Variants in MKLN1 observed in about 807,000 individuals in gnomAD.
The protein encoded by MKLN1 is muskelin.
A neutral mutation model predicts 99.0 loss-of-function variants in MKLN1; 18 were observed. The observed-to-expected ratio is 0.18, with a 90% CI of 0.13 to 0.27. The LOEUF is 0.27. Among genes scored for constraint, MKLN1 ranks in the 10% least tolerant of loss-of-function variants. The probability of loss-of-function intolerance (pLI) is 1.00; values close to 1 mark genes in which losing one functional copy is unlikely to be tolerated. For missense variants in MKLN1, 621 were observed against 875.9 expected (o/e 0.71, Z 3.67); for synonymous variants, 288 against 293.2 (o/e 0.98, Z 0.18).
intron 3 of MKLN1, chr7:131,202,992 T>C (rs1227528693): frequency 1.3e-5 from 2 of 152,236 alleles, no homozygotes; most frequent in Non-Finnish European, 2.9e-5. Flanking sequence ...GGGTAATTCA[T>C]CTAACAAATT....
chr7:131,478,568 T>C lies in MKLN1; in HGVS notation c.2032-55T>C, dbSNP rs1797028011. On this transcript the variant is annotated intron_variant, in intron 16 of 17. Transcript: ENST00000352689. The stretch of plus-strand genomic sequence containing the variant: ...GTTATAGAAGGCTATTTTCCTTCAG[T>C]GCACTTAGCCAGCTAATTTGCTGCT... 6 of 1,465,076 alleles carry C rather than the reference T, an allele frequency of 4.1e-6. No individual in the cohort carries two copies. The South Asian group carries it at 4.4e-5, about 11-fold the overall frequency. 90.8% of individuals were successfully genotyped at this position (1,465,076 alleles called of 1,614,324 possible).
intron 1 of MKLN1, among the ~76,000 whole-genome samples, chr7:131,370,064 C>T (rs1800299917): frequency 6.6e-6 from 1 of 152,208 alleles, no homozygotes. Context: ...TCTCAAACTC[C>T]TGACCTCAGG....
chr7:131,387,481 G>T (rs1457501454), intron 3 of MKLN1, among the ~76,000 whole-genome samples: 1 of 151,920 alleles, frequency 6.6e-6, no homozygotes, highest in Non-Finnish European at 1.5e-5. Context: ...TTTTACCAAA[G>T]AAGAAACAAA....
At chr7:131,452,033 TA>T (rs1796194139) in intron 12 of MKLN1, among the ~76,000 whole-genome samples, 1 of 152,216 alleles carries the variant, frequency 6.6e-6, no homozygotes. Context: ...CTTTAGTAGT[TA>T]TGTATTTACT....
At chr7:131,370,210 A>T (rs1800304859) in intron 1 of MKLN1, among the ~76,000 whole-genome samples, 1 of 152,206 alleles carries the variant, frequency 6.6e-6, no homozygotes, top group African/African-American at 2.4e-5. Flanking sequence ...TGCATCATTT[A>T]ATAAATGAAT....
intron 8 of MKLN1, among the ~76,000 whole-genome samples, chr7:131,415,116 GTT>G (rs77006965): frequency 1.4e-5 from 2 of 144,438 alleles, no homozygotes; most frequent in Non-Finnish European, 1.5e-5. Context: ...GTTTGGTTTT[GTT>G]TTTTTTTTTC....
chr7:131,360,451 A>G (rs1397676209), intron 1 of MKLN1, among the ~76,000 whole-genome samples: 1 of 152,112 alleles, frequency 6.6e-6, no homozygotes, highest in East Asian at 1.9e-4. Context: ...TATCAGTTAC[A>G]CTTCTTTTTA....
chr7:131,163,249 A>G (rs1484792109), intron 2 of MKLN1, among the ~76,000 whole-genome samples: 1 of 152,252 alleles, frequency 6.6e-6, no homozygotes, highest in African/African-American at 2.4e-5. Flanking sequence ...GAGCACAGGA[A>G]AAATGGTCTA....
chr7:131,263,878 C>T (rs892109990), intron 3 of MKLN1, among the ~76,000 whole-genome samples: 1 of 152,126 alleles, frequency 6.6e-6, no homozygotes, highest in Non-Finnish European at 1.5e-5. Flanking sequence ...CCTGATTGCA[C>T]TTTCAAGAAA....
At chr7:131,260,679 C>T (rs1315178625) in intron 3 of MKLN1, among the ~76,000 whole-genome samples, 2 of 152,128 alleles carry the variant, frequency 1.3e-5, no homozygotes, top group Non-Finnish European at 2.9e-5. Context: ...AAGCTGGAGG[C>T]ATCACGTTAC....
rs764366341 is a variant in MKLN1, at chr7:131,445,781, G to A, written c.1403G>A (p.Arg468His). 23 of 1,570,406 alleles carry A rather than the reference G, an allele frequency of 1.5e-5. No individual in the cohort carries two copies. Among genetic ancestry groups the A allele is most frequent in the South Asian group, 9.7e-5 (8 of 82,214 alleles). Residue 468 changes from arginine (R) to histidine (H), a missense_variant, in exon 12 of 18, where the codon CGT (arginine) becomes CAT (histidine). Coordinates refer to ENST00000352689, the MANE Select transcript of MKLN1 (RefSeq NM_013255.5). ...TTTTTTCTTCTTTTTCAGAAAAATC[G>A]TTGCTTATATGTATTTGGTGGCCAG... The part of the protein sequence containing the change: ...GHCMLFHSKN[R>H]CLYVFGGQRS...
At chr7:131,297,415 G>GTGTA (rs1052960059) in intron 3 of MKLN1, among the ~76,000 whole-genome samples, 2 of 150,122 alleles carry the variant, frequency 1.3e-5, no homozygotes, top group Non-Finnish European at 3.0e-5. Context: ...CAAATACTCT[G>GTGTA]TGTGTGTGTG....
At chr7:131,144,667 GT>G (rs1341521195) in intron 2 of MKLN1, among the ~76,000 whole-genome samples, 2 of 151,418 alleles carry the variant, frequency 1.3e-5, no homozygotes, top group African/African-American at 4.9e-5. Flanking sequence ...TGTTTTGTTT[GT>G]TTTTTTCTTT....
At chr7:131,365,070 T>A (rs1401238403) in intron 1 of MKLN1, among the ~76,000 whole-genome samples, 3 of 152,234 alleles carry the variant, frequency 2.0e-5, no homozygotes, top group Non-Finnish European at 4.4e-5. Flanking sequence ...TGAACTAATT[T>A]ACACTCCCAC....
intron 2 of MKLN1, among the ~76,000 whole-genome samples, chr7:131,190,627 G>A (rs1330900301): frequency 6.6e-6 from 1 of 152,000 alleles, no homozygotes; most frequent in Non-Finnish European, 1.5e-5. Flanking sequence ...CACTACAGCT[G>A]TGGGAATAAG....
chr7:131,321,421 C>A (rs753471983), intron 3 of MKLN1, among the ~76,000 whole-genome samples: 1 of 151,946 alleles, frequency 6.6e-6, no homozygotes, highest in South Asian at 2.1e-4. Context: ...CGGGGCCAGT[C>A]GGGGTGGGGC....
intron 1 of MKLN1, among the ~76,000 whole-genome samples, chr7:131,365,582 C>G (rs570590086): frequency 4.6e-5 from 7 of 152,222 alleles, no homozygotes; most frequent in African/African-American, 1.7e-4. Flanking sequence ...TTGGGTTTTA[C>G]ATTTAAGTCT....
intron 2 of MKLN1, among the ~76,000 whole-genome samples, chr7:131,199,720 G>T (rs1796698245): frequency 6.6e-6 from 1 of 152,202 alleles, no homozygotes. Flanking sequence ...TTGAGACGGA[G>T]TCTCACTCTA....
At chr7:131,393,232 T>A (rs1203963107) in intron 4 of MKLN1, among the ~76,000 whole-genome samples, 1 of 152,214 alleles carries the variant, frequency 6.6e-6, no homozygotes, top group Non-Finnish European at 1.5e-5. Flanking sequence ...GAGTTTCTAA[T>A]TCTTTTATTT....
Sources: gnomAD v4.1 joint callset for allele counts (sites outside exome capture counted in the v4.1 genomes callset) on GRCh38, gnomAD v4.1.1 for gene constraint, MANE v1.5 for transcripts, NCBI Gene and HGNC (gene_info 2026-07-23, HGNC 2026-07-21) for gene names.